The following CTNNA2 variants were observed in gnomAD, a reference collection of about 807,000 sequenced individuals.
CTNNA2 encodes the protein catenin alpha-2.
In CTNNA2, 42 loss-of-function variants were observed where a neutral mutation model predicts 101.0. The observed-to-expected ratio is 0.42, with a 90% CI of 0.32 to 0.54. CTNNA2 has a LOEUF of 0.54. Among genes scored for constraint, CTNNA2 ranks in the 20% least tolerant of loss-of-function variants. CTNNA2 has a pLI of 0.14. For missense variants in CTNNA2, 871 were observed against 1,223.1 expected, an observed-to-expected ratio of 0.71 and a Z score of 4.29; for synonymous variants, 450 against 456.4, an observed-to-expected ratio of 0.99 and a Z score of 0.18.
chr2:79,194,845 G>A (rs1352194193), intron 1 of CTNNA2, among the ~76,000 whole-genome samples: 3 of 152,188 alleles, frequency 2.0e-5, no homozygotes, highest in African/African-American at 7.2e-5. Flanking sequence ...AGAGGATTAT[G>A]TTTGGCAGTG....
At chr2:79,261,559 T>G (rs1363801674) in intron 2 of CTNNA2, among the ~76,000 whole-genome samples, 4 of 152,202 alleles carry the variant, frequency 2.6e-5, no homozygotes, top group Non-Finnish European at 5.9e-5. Flanking sequence ...TGGCGAGACC[T>G]CCTTCCTCAC....
At chr2:80,428,657 C>G (rs573513131) in intron 9 of CTNNA2, among the ~76,000 whole-genome samples, 125 of 152,256 alleles carry the variant, frequency 8.2e-4, no homozygotes, top group Non-Finnish European at 1.6e-3. Context: ...GGTCCTAAAA[C>G]CCCTACACAA....
chr2:79,525,873 T>A (rs539897901), intron 1 of CTNNA2, among the ~76,000 whole-genome samples: 71 of 152,140 alleles, frequency 4.7e-4, no homozygotes, highest in Non-Finnish European at 8.7e-4. Context: ...TAAGTTTCAA[T>A]AAAACTCTCA....
intron 11 of CTNNA2, among the ~76,000 whole-genome samples, chr2:80,554,378 T>C (rs1412575576): frequency 1.3e-5 from 2 of 152,230 alleles, no homozygotes; most frequent in Non-Finnish European, 2.9e-5. Context: ...CTTAAGACTT[T>C]AAAAATATAT....
At chr2:80,526,360 T>C (rs927187899) in intron 9 of CTNNA2, among the ~76,000 whole-genome samples, 2 of 152,154 alleles carry the variant, frequency 1.3e-5, no homozygotes, top group African/African-American at 4.8e-5. Context: ...TCACCACATC[T>C]GGCTAATTTT....
chr2:79,546,932 C>T (rs1367399), intron 1 of CTNNA2, among the ~76,000 whole-genome samples: 106,252 of 152,044 alleles, frequency 0.7, 37,249 homozygotes, highest in African/African-American at 0.74. Flanking sequence ...GCCTTAAGGC[C>T]TGCTCAACAG....
intron 2 of CTNNA2, among the ~76,000 whole-genome samples, chr2:79,721,069 T>A (rs373132960): frequency 2.7e-5 from 4 of 147,988 alleles, no homozygotes; most frequent in East Asian, 2.0e-4. Context: ...TTTTTTTTTT[T>A]AAATCACATC....
chr2:80,437,270 G>A (rs576362978), intron 9 of CTNNA2, among the ~76,000 whole-genome samples: 13 of 152,210 alleles, frequency 8.5e-5, no homozygotes, highest in South Asian at 2.1e-4. Flanking sequence ...TTGGAGATTC[G>A]CAACGTACTT....
intron 18 of CTNNA2, among the ~76,000 whole-genome samples, chr2:80,637,618 C>G (rs1331294738): frequency 6.6e-6 from 1 of 152,064 alleles, no homozygotes; most frequent in Non-Finnish European, 1.5e-5. Flanking sequence ...ACCTCGGTAG[C>G]AACAGAGCCT....
intron 3 of CTNNA2, among the ~76,000 whole-genome samples, chr2:79,835,031 T>C (rs1043821141): frequency 2.0e-5 from 3 of 152,142 alleles, no homozygotes; most frequent in Non-Finnish European, 2.9e-5. Flanking sequence ...TTTCTATATG[T>C]ATACCACTTT....
intron 1 of CTNNA2, among the ~76,000 whole-genome samples, chr2:79,641,654 C>G (rs1180998074): frequency 6.6e-6 from 1 of 152,100 alleles, no homozygotes; most frequent in African/African-American, 2.4e-5. Flanking sequence ...CACTACTTAC[C>G]TGAATATCAC....
chr2:79,568,814 G>T (rs1422847396), intron 1 of CTNNA2, among the ~76,000 whole-genome samples: 1 of 140,554 alleles, frequency 7.1e-6, no homozygotes, highest in African/African-American at 2.7e-5. Context: ...CTGAGCTCAG[G>T]AGTTCGAGAC....
At chr2:79,812,754 A>G (rs1350801324) in intron 3 of CTNNA2, among the ~76,000 whole-genome samples, 1 of 152,134 alleles carries the variant, frequency 6.6e-6, no homozygotes, top group African/African-American at 2.4e-5. Context: ...CTGAAGCATA[A>G]AAGACCTAGT....
chr2:80,594,179 G>A (rs1696748759), intron 15 of CTNNA2, among the ~76,000 whole-genome samples: 2 of 151,974 alleles, frequency 1.3e-5, no homozygotes, highest in Non-Finnish European at 2.9e-5. Context: ...CTTGATAGTA[G>A]CCATCCTAAT....
chr2:79,257,069 A>C (rs1211176816), intron 2 of CTNNA2, among the ~76,000 whole-genome samples: 1 of 152,168 alleles, frequency 6.6e-6, no homozygotes, highest in African/African-American at 2.4e-5. Context: ...ATGACACAAG[A>C]CTGACCGTAA....
At chr2:80,001,571 T>G (rs1364105608) in intron 7 of CTNNA2, among the ~76,000 whole-genome samples, 2 of 152,148 alleles carry the variant, frequency 1.3e-5, no homozygotes, top group Admixed American at 1.3e-4. Context: ...TGGGGATTAG[T>G]CTAATAATTG....
chr2:79,915,426 A>G (rs985515407), intron 7 of CTNNA2, among the ~76,000 whole-genome samples: 1 of 152,222 alleles, frequency 6.6e-6, no homozygotes, highest in Admixed American at 6.5e-5. Flanking sequence ...ATATGTTACC[A>G]TATCAATAAA....
chr2:79,728,491 G>A (rs1382293238), intron 2 of CTNNA2, among the ~76,000 whole-genome samples: 2 of 152,180 alleles, frequency 1.3e-5, no homozygotes, highest in East Asian at 1.9e-4. Context: ...TGTCAGATGA[G>A]TAGATTGCGA....
chr2:80,612,603 G>A (rs1698553802), intron 17 of CTNNA2, among the ~76,000 whole-genome samples: 1 of 151,610 alleles, frequency 6.6e-6, no homozygotes, highest in South Asian at 2.1e-4. Context: ...ATGGTTTGTT[G>A]AGATGAGAAT....
Sources: gnomAD v4.1 joint callset for allele counts (sites outside exome capture counted in the v4.1 genomes callset) on GRCh38, gnomAD v4.1.1 for gene constraint, MANE v1.5 for transcripts, NCBI Gene and HGNC (gene_info 2026-07-23, HGNC 2026-07-21) for gene names.